The following RAB3C variants were observed in gnomAD, a reference collection of about 807,000 sequenced individuals.
RAB3C encodes the protein RAB3C, member RAS oncogene family.
RAB3C carries 17 observed loss-of-function variants against 26.4 expected under a neutral mutation model. The observed-to-expected ratio is 0.64, with a 90% CI of 0.44 to 0.97. The LOEUF is 0.97. RAB3C is among the 50% of genes least tolerant of loss of function. RAB3C has a pLI of 0.00. For synonymous variants in RAB3C, 91 were observed against 95.9 expected (o/e 0.95, Z 0.30); for missense variants, 242 against 281.9 (o/e 0.86, Z 1.01).
chr5:58,730,434 A>C (rs1740990166), intron 3 of RAB3C, among the ~76,000 whole-genome samples: 1 of 152,060 alleles, frequency 6.6e-6, no homozygotes. Context: ...GTGGGTGAGG[A>C]AGCTTGCTGA....
chr5:58,635,908 G>T (rs292987), intron 2 of RAB3C, among the ~76,000 whole-genome samples: 114,703 of 152,004 alleles, frequency 0.75, 43,447 homozygotes, highest in East Asian at 0.83. Context: ...TTTAATTCTG[G>T]TTACTAATTT....
chr5:58,813,505 T>C (rs1482158017), intron 3 of RAB3C, among the ~76,000 whole-genome samples: 1 of 151,346 alleles, frequency 6.6e-6, no homozygotes, highest in Non-Finnish European at 1.5e-5. Context: ...CCACCCTTTC[T>C]CATAGACAGG....
rs1456651994 is a variant in RAB3C, at chr5:58,664,913, G to T, written c.252+47043G>T. On this transcript the variant is annotated intron_variant, in intron 2 of 4. Coordinates refer to ENST00000282878, the MANE Select transcript of RAB3C (RefSeq NM_138453.4). ...TCCTAACCACACTTGGCTTCTTTTG[G>T]TTTCTCAAATACTCCAAAGGTGTTC... Among the ~76,000 whole-genome samples, 5 of 151,844 alleles carry T rather than the reference G, an allele frequency of 3.3e-5. No individual in the cohort carries two copies. In the South Asian group the frequency reaches 1.0e-3, roughly 32 times the overall value.
rs1045043742 is a variant in RAB3C, at chr5:58,855,052, A to G, written c.*3701A>G. ...ATTAACTGAACTTCCATGAAGCAACATTAATTTTAGAGCATGGTAGTCCAT... is the reference window on the plus strand; with the variant it reads ...ATTAACTGAACTTCCATGAAGCAACGTTAATTTTAGAGCATGGTAGTCCAT... On this transcript the variant is annotated 3_prime_UTR_variant, in exon 5 of 5. Coordinates refer to ENST00000282878, the MANE Select transcript of RAB3C (RefSeq NM_138453.4). The G allele has an allele frequency of 6.6e-6, 1 of 152,246 alleles. No homozygotes were observed. The highest frequency in any genetic ancestry group is 2.1e-4 in the South Asian group (1 of 4,826). 9.4% of individuals were successfully genotyped at this position (152,246 alleles called of 1,614,324 possible). A position where few individuals can be genotyped will look rare whatever the true frequency, so the allele number is the denominator to read the frequency against.
intron 3 of RAB3C, among the ~76,000 whole-genome samples, chr5:58,781,354 C>T (rs1409586053): frequency 6.6e-6 from 1 of 151,930 alleles, no homozygotes; most frequent in Non-Finnish European, 1.5e-5. Flanking sequence ...TTTATTAAAA[C>T]TTGTAAAAGT....
intron 2 of RAB3C, among the ~76,000 whole-genome samples, chr5:58,700,877 G>C (rs926105148): frequency 6.6e-6 from 1 of 152,170 alleles, no homozygotes; most frequent in Non-Finnish European, 1.5e-5. Context: ...AAGAAAAAAT[G>C]CTATGGTAAC....
intron 2 of RAB3C, among the ~76,000 whole-genome samples, chr5:58,699,502 T>C (rs1008093458): frequency 6.6e-6 from 1 of 152,228 alleles, no homozygotes; most frequent in African/African-American, 2.4e-5. Context: ...TCTTCAGAGC[T>C]GTCAGACAGG....
At chr5:58,612,227 T>G (rs1201946635) in intron 1 of RAB3C, among the ~76,000 whole-genome samples, 1 of 152,072 alleles carries the variant, frequency 6.6e-6, no homozygotes, top group East Asian at 1.9e-4. Context: ...TCTTTTTTGG[T>G]TCAATATGAA....
intron 2 of RAB3C, among the ~76,000 whole-genome samples, chr5:58,663,472 T>C (rs371944046): frequency 1.3e-4 from 19 of 150,444 alleles, no homozygotes; most frequent in East Asian, 5.8e-4. Context: ...GAAAAATTAA[T>C]TTTGATCATC....
chr5:58,698,648 T>C (rs905978283), intron 2 of RAB3C, among the ~76,000 whole-genome samples: 6 of 152,164 alleles, frequency 3.9e-5, no homozygotes, highest in Non-Finnish European at 8.8e-5. Context: ...TCTCTAAACT[T>C]CTCTTTTCAC....
At chr5:58,676,710 C>T (rs1311552238) in intron 2 of RAB3C, among the ~76,000 whole-genome samples, 1 of 152,058 alleles carries the variant, frequency 6.6e-6, no homozygotes, top group Non-Finnish European at 1.5e-5. Flanking sequence ...ATATTTGACA[C>T]CTGTTTTCCT....
At chr5:58,729,116 G>T (rs186292898) in intron 3 of RAB3C, among the ~76,000 whole-genome samples, 39 of 151,838 alleles carry the variant, frequency 2.6e-4, no homozygotes, top group African/African-American at 9.2e-4. Context: ...CACTACCCTG[G>T]CACTTTCTGC....
intron 3 of RAB3C, chr5:58,822,842 A>G: frequency 1.6e-6 from 1 of 633,216 alleles, no homozygotes; most frequent in Admixed American, 1.8e-5. Flanking sequence ...GCTTCTCGGT[A>G]GGTTTGGCAT....
chr5:58,678,396 G>T (rs1031056161), intron 2 of RAB3C, among the ~76,000 whole-genome samples: 22 of 152,050 alleles, frequency 1.4e-4, no homozygotes, highest in Non-Finnish European at 1.3e-4. Flanking sequence ...ATAGTAATTT[G>T]TATTTTGATG....
At chr5:58,637,747 C>G (rs1298818895) in intron 2 of RAB3C, among the ~76,000 whole-genome samples, 1 of 151,894 alleles carries the variant, frequency 6.6e-6, no homozygotes, top group African/African-American at 2.4e-5. Flanking sequence ...TGTGCAAATA[C>G]AAAAAGTAGA....
intron 3 of RAB3C, among the ~76,000 whole-genome samples, chr5:58,782,850 G>A (rs1269858969): frequency 2.6e-5 from 4 of 152,072 alleles, no homozygotes; most frequent in Non-Finnish European, 4.4e-5. Flanking sequence ...TCAAGAGCCA[G>A]GATCTAGGAC....
At chr5:58,585,533 C>G (rs912348297) in intron 1 of RAB3C, among the ~76,000 whole-genome samples, 3 of 151,814 alleles carry the variant, frequency 2.0e-5, no homozygotes, top group Non-Finnish European at 2.9e-5. Flanking sequence ...TTCTTCTCTG[C>G]TTTTAAAAAA....
intron 2 of RAB3C, among the ~76,000 whole-genome samples, chr5:58,621,566 T>C (rs1487901051): frequency 6.6e-6 from 1 of 152,110 alleles, no homozygotes; most frequent in African/African-American, 2.4e-5. Flanking sequence ...GTTTCAAGTA[T>C]GATTTTTGTT....
intron 1 of RAB3C, among the ~76,000 whole-genome samples, chr5:58,584,955 G>A (rs532456762): frequency 1.3e-5 from 2 of 152,004 alleles, no homozygotes; most frequent in African/African-American, 4.8e-5. Flanking sequence ...TATGTAGTAG[G>A]CACTGTGATT....
Sources: allele counts gnomAD v4.1 joint callset (sites outside exome capture counted in the v4.1 genomes callset), GRCh38; gene constraint gnomAD v4.1.1; transcripts MANE v1.5; gene names NCBI Gene and HGNC (gene_info 2026-07-23, HGNC 2026-07-21).